Variants in MOK observed in about 807,000 individuals in gnomAD.
MOK encodes the protein MAPK/MAK/MRK overlapping kinase.
In MOK, 59 loss-of-function variants were observed where a neutral mutation model predicts 54.2. The ratio of observed to expected loss-of-function variants is 1.09; its 90% CI spans 0.88 to 1.35. The LOEUF (loss-of-function observed/expected upper bound fraction) is 1.35. Among genes scored for constraint, MOK ranks in the 40% most tolerant of loss-of-function variants. The pLI is 0.00. For missense variants in MOK, 517 were observed against 526.2 expected, an observed-to-expected ratio of 0.98 and a Z score of 0.17; for synonymous variants, 210 against 202.7, an observed-to-expected ratio of 1.04 and a Z score of -0.31.
intron 7 of MOK, among the ~76,000 whole-genome samples, chr14:102,239,499 G>A (rs2065526185): frequency 7.1e-6 from 1 of 141,024 alleles, no homozygotes; most frequent in African/African-American, 2.5e-5. Context: ...TCTGCAAACA[G>A]GCACACCAGG....
rs545796812 is a variant in MOK at position 102,305,154 on chromosome 14, C to G, written c.-186G>C. 258 of 717,582 alleles carry G rather than the reference C, an allele frequency of 3.6e-4. 2 individuals are homozygous for G. In the South Asian group the frequency reaches 4.2e-3, roughly 12 times the overall value. 44.5% of individuals were successfully genotyped at this position (717,582 alleles called of 1,614,324 possible). A position where few individuals can be genotyped will look rare whatever the true frequency, so the allele number is the denominator to read the frequency against. On this transcript the variant is annotated 5_prime_UTR_variant, in exon 1 of 12. Coordinates refer to ENST00000361847, the MANE Select transcript of MOK (RefSeq NM_014226.3). ...GTTGTGTCCCTGTCACCCTAGCAACCGTCAGGCCCTGAACGCCATGAGCTG... is the reference window on the plus strand; with the variant it reads ...GTTGTGTCCCTGTCACCCTAGCAACGGTCAGGCCCTGAACGCCATGAGCTG...
At chr14:102,301,415 A>G (rs1488710948) in intron 1 of MOK, among the ~76,000 whole-genome samples, 1 of 152,126 alleles carries the variant, frequency 6.6e-6, no homozygotes, top group East Asian at 1.9e-4. Context: ...AAATAAAAAG[A>G]AGGACAGGAA....
chr14:102,268,347 C>T lies in MOK; in HGVS notation c.123-2435G>A, dbSNP rs558531358. On this transcript the variant is annotated intron_variant, in intron 2 of 11. Transcript: ENST00000361847. Reference sequence around the variant, plus strand: ...CAGTGCTTAATAAAATTCAAATCAACTCTGTCCCCTCTTTTAAAATCATGA... The same window carrying T: ...CAGTGCTTAATAAAATTCAAATCAATTCTGTCCCCTCTTTTAAAATCATGA... Among the ~76,000 whole-genome samples, 7 of 151,806 alleles carry T rather than the reference C, an allele frequency of 4.6e-5. No homozygotes were observed. In the South Asian group the frequency reaches 1.2e-3, roughly 27 times the overall value.
downstream of MOK, among the ~76,000 whole-genome samples, chr14:102,221,686 C>T (rs371304506): frequency 6.6e-6 from 1 of 152,148 alleles, no homozygotes; most frequent in Non-Finnish European, 1.5e-5. The surrounding 1 kb of genome is among the most constrained non-coding windows in gnomAD (Gnocchi z 4.8). Context: ...ATGACTTGAG[C>T]GGGACAGCTT....
chr14:102,241,406 G>A (rs966474311), intron 7 of MOK, among the ~76,000 whole-genome samples: 7 of 152,140 alleles, frequency 4.6e-5, no homozygotes, highest in South Asian at 2.1e-4. Context: ...TAGCCCTCCC[G>A]CACCTGCTCA....
downstream of MOK, chr14:102,223,026 C>G (rs2064096648): frequency 1.0e-6 from 1 of 958,504 alleles, no homozygotes; most frequent in Non-Finnish European, 1.6e-6. Context: ...CGGTGACCGG[C>G]TCACTCTGCG....
At chr14:102,217,615 C>CG in the MOK span, among the ~76,000 whole-genome samples, 34 of 152,216 alleles carry the variant, frequency 2.2e-4, 1 homozygote, top group Admixed American at 1.8e-3. Flanking sequence ...GGGCTGGGCC[C>CG]AGGGTTCCCG....
At position 102,229,667 on chromosome 14, in the gene MOK, G is replaced by A. The variant is rs2064485473; in HGVS notation, c.982-10C>T. 1 of 1,587,542 alleles carries A rather than the reference G, an allele frequency of 6.3e-7. No individual in the cohort carries two copies. The highest frequency in any genetic ancestry group is 2.2e-5 in the East Asian group (1 of 44,580). On this transcript the variant is annotated splice_polypyrimidine_tract_variant and intron_variant, in intron 10 of 11. Transcript: ENST00000361847. ...GCTTTAGGGACTGTTTCTTGAAACA[G>A]AACAGAGGCCAGTTGGACATAAAAC...
Position 102,229,202 on chromosome 14 carries a change from T to C in MOK, c.*87A>G. ...ACGGACGCAGGCGCATCCCCAGCCC[T>C]CCGTGGCGTCTCAGCAGCAGATCAC... On this transcript the variant is annotated 3_prime_UTR_variant, in exon 12 of 12. Coordinates refer to ENST00000361847, the MANE Select transcript of MOK (RefSeq NM_014226.3). 7.2e-7 allele frequency: 1 copy of C among 1,382,210 alleles called. No homozygotes were observed. Among genetic ancestry groups the C allele is most frequent in the Non-Finnish European group, 9.9e-7 (1 of 1,013,932 alleles). The allele number at this position is 1,382,210 out of a possible 1,614,324, so 85.6% of individuals were successfully genotyped here.
chr14:102,292,504 A>C (rs1430467366), intron 1 of MOK, among the ~76,000 whole-genome samples: 1 of 151,594 alleles, frequency 6.6e-6, no homozygotes. Flanking sequence ...CAAAACAAAA[A>C]AACAACTAAT....
At chr14:102,270,157 A>G (rs929292058) in intron 2 of MOK, among the ~76,000 whole-genome samples, 7 of 152,274 alleles carry the variant, frequency 4.6e-5, no homozygotes, top group Non-Finnish European at 7.3e-5. Context: ...GAAATTAAAC[A>G]GTAAAGAAGA....
intron 1 of MOK, among the ~76,000 whole-genome samples, chr14:102,286,098 G>T (rs1303535582): frequency 6.6e-6 from 1 of 150,994 alleles, no homozygotes; most frequent in East Asian, 2.0e-4. Flanking sequence ...AGAAGATCGA[G>T]ACCATCCTGG....
At chr14:102,234,598 C>CT (rs1356164785) in intron 7 of MOK, among the ~76,000 whole-genome samples, 1 of 152,150 alleles carries the variant, frequency 6.6e-6, no homozygotes, top group African/African-American at 2.4e-5. Context: ...CTCTACCCCC[C>CT]TCCCTTCCAT....
chr14:102,290,362 C>G (rs573982501), intron 1 of MOK, among the ~76,000 whole-genome samples: 26 of 151,974 alleles, frequency 1.7e-4, no homozygotes, highest in Non-Finnish European at 3.1e-4. Flanking sequence ...ATCGCTTGAA[C>G]CCAAGAGGAG....
chr14:102,219,801 T>C (rs778451805), downstream of MOK, among the ~76,000 whole-genome samples: 1 of 152,246 alleles, frequency 6.6e-6, no homozygotes. Flanking sequence ...CGAAGCCTGC[T>C]AACGGGAACC....
rs901149807 is a variant in MOK, at chr14:102,251,762, T to C, written c.405A>G (p.Leu135=). Residue 135 remains leucine, a synonymous_variant, in exon 6 of 12, where the codon CTA becomes CTG. Transcript: ENST00000361847. ...FHRDVKPENI[L]IKQDVLKLGD... Reference sequence around the variant, plus strand: ...TTCATGTAAAAGCTCTTACCTTTATTAGTATATTTTCTGGTTTTACATCTC... The same window carrying C: ...TTCATGTAAAAGCTCTTACCTTTATCAGTATATTTTCTGGTTTTACATCTC... 2 of 1,567,268 alleles carry C rather than the reference T, an allele frequency of 1.3e-6. No homozygotes were observed. Among genetic ancestry groups the C allele is most frequent in the South Asian group, 2.2e-5 (2 of 88,978 alleles).
chr14:102,283,823 T>G (rs1227220766), intron 1 of MOK, among the ~76,000 whole-genome samples: 2 of 152,158 alleles, frequency 1.3e-5, no homozygotes, highest in African/African-American at 2.4e-5. Context: ...CCACCTTACC[T>G]GGATCCTGGC....
intron 4 of MOK, among the ~76,000 whole-genome samples, chr14:102,261,402 AAAAAAAAAAAAAAAAAATAT>A: frequency 1.3e-5 from 1 of 78,132 alleles, no homozygotes; most frequent in Admixed American, 1.7e-4. Context: ...AAAAAAAAAA[AAAAAAAAAAAAAAAAAATAT>A]ATATATATAT....
chr14:102,272,849 G>A (rs1482898304), intron 2 of MOK, among the ~76,000 whole-genome samples: 1 of 152,070 alleles, frequency 6.6e-6, no homozygotes, highest in Non-Finnish European at 1.5e-5. Flanking sequence ...ATATTGTACT[G>A]GAAATCTGAA....
Sources: allele counts gnomAD v4.1 joint callset (sites outside exome capture counted in the v4.1 genomes callset), GRCh38; gene constraint gnomAD v4.1.1; non-coding constraint Gnocchi (gnomAD v3.1); transcripts MANE v1.5; gene names NCBI Gene and HGNC (gene_info 2026-07-23, HGNC 2026-07-21).